TIAM1: variants seen among roughly 807,000 people sequenced by gnomAD.
The protein encoded by TIAM1 is TIAM Rac1 associated GEF 1, also known as rho guanine nucleotide exchange factor TIAM1.
A neutral mutation model predicts 163.5 loss-of-function variants in TIAM1; 65 were observed. That is an observed-to-expected ratio of 0.40 (90% CI 0.33 to 0.49). The LOEUF is 0.49. TIAM1 is among the 20% of genes least tolerant of loss of function. The pLI, the probability that TIAM1 is intolerant of heterozygous loss-of-function variation, is 0.77. For synonymous variants in TIAM1, 833 were observed against 810.1 expected (o/e 1.03, Z -0.48); for missense variants, 1,789 against 2,044.7 (o/e 0.87, Z 2.41).
At chr21:31,167,990 C>T (rs2084318893) in intron 15 of TIAM1, among the ~76,000 whole-genome samples, 1 of 151,984 alleles carries the variant, frequency 6.6e-6, no homozygotes, top group African/African-American at 2.4e-5. Context: ...GAGAAAAGTG[C>T]TCACTGGCAA....
intron 2 of TIAM1, among the ~76,000 whole-genome samples, chr21:31,296,540 A>T (rs202231062): frequency 1.3e-5 from 2 of 152,330 alleles, no homozygotes; most frequent in East Asian, 3.9e-4. Context: ...AGAGAAAAAG[A>T]TAATACTTAG....
chr21:31,190,708 T>G (rs1297210471), intron 13 of TIAM1, among the ~76,000 whole-genome samples: 1 of 152,182 alleles, frequency 6.6e-6, no homozygotes, highest in African/African-American at 2.4e-5. Context: ...ACTGGATATG[T>G]GAACTAATTT....
intron 1 of TIAM1, among the ~76,000 whole-genome samples, chr21:31,531,844 C>T (rs191341947): frequency 8.6e-5 from 13 of 151,872 alleles, no homozygotes; most frequent in African/African-American, 3.1e-4. Flanking sequence ...AGGCCAGGCA[C>T]GGTGGCTCAT....
Position 31,266,052 on chromosome 21 carries a change from G to A in TIAM1, c.921C>T (p.Ser307=), listed in dbSNP as rs1182237386. The A allele has an allele frequency of 6.2e-7, 1 of 1,614,178 alleles. No individual in the cohort carries two copies. The highest frequency in any genetic ancestry group is 8.5e-7 in the Non-Finnish European group (1 of 1,180,038). Residue 307 remains serine, a synonymous_variant, in exon 4 of 28, where the codon AGC becomes AGT. Coordinates refer to ENST00000541036, the MANE Select transcript of TIAM1 (RefSeq NM_001353694.2). ...TTCTGCCTTGCATGCTGTTGCTATGGCTAATTTGTGGGTTGGTGGCACCTT... is the reference window on the plus strand; with the variant it reads ...TTCTGCCTTGCATGCTGTTGCTATGACTAATTTGTGGGTTGGTGGCACCTT... The part of the protein sequence containing the change: ...LSEGATNPQI[S]HSNSMQGRRA...
intron 2 of TIAM1, among the ~76,000 whole-genome samples, chr21:31,458,468 G>A (rs969851699): frequency 1.3e-5 from 2 of 152,098 alleles, no homozygotes; most frequent in South Asian, 4.2e-4. Context: ...TCCTGGTTTG[G>A]TTTTGTTACC....
chr21:31,251,677 T>A, intron 5 of TIAM1, 65 bp downstream of exon 5: 1 of 1,468,150 alleles, frequency 6.8e-7, no homozygotes, highest in Non-Finnish European at 9.2e-7. Context: ...ATCCCGTGAG[T>A]ATGTGCACAA....
chr21:31,285,190 C>T (rs1472298812), intron 2 of TIAM1, among the ~76,000 whole-genome samples: 1 of 151,928 alleles, frequency 6.6e-6, no homozygotes, highest in Non-Finnish European at 1.5e-5. Flanking sequence ...CAAGCCACCC[C>T]CCCAAGCCAA....
intron 6 of TIAM1, among the ~76,000 whole-genome samples, chr21:31,237,381 T>A (rs2070948993): frequency 6.6e-6 from 1 of 152,250 alleles, no homozygotes. Flanking sequence ...CCAAGGTAGT[T>A]CTCTTGAGCC....
At chr21:31,273,455 A>G (rs1016179561) in intron 3 of TIAM1, among the ~76,000 whole-genome samples, 9 of 152,238 alleles carry the variant, frequency 5.9e-5, no homozygotes, top group African/African-American at 2.2e-4. Context: ...GACATAAACC[A>G]CAGCCCAACC....
chr21:31,244,596 G>A (rs1461227565), intron 6 of TIAM1, among the ~76,000 whole-genome samples: 3 of 152,244 alleles, frequency 2.0e-5, no homozygotes, highest in South Asian at 2.1e-4. Flanking sequence ...GTGGCAGCAG[G>A]TGCCTATAGT....
intron 6 of TIAM1, among the ~76,000 whole-genome samples, chr21:31,228,658 C>T (rs2088204865): frequency 6.6e-6 from 1 of 152,146 alleles, no homozygotes; most frequent in African/African-American, 2.4e-5. Flanking sequence ...GGGCACACAT[C>T]TTGTTGGGGA....
At chr21:31,446,791 G>A (rs1157062792) in intron 2 of TIAM1, among the ~76,000 whole-genome samples, 2 of 152,172 alleles carry the variant, frequency 1.3e-5, no homozygotes, top group African/African-American at 4.8e-5. Flanking sequence ...TCGATGTGCT[G>A]CACATCTTCA....
chr21:31,189,708 C>A (rs1474730396), intron 13 of TIAM1, among the ~76,000 whole-genome samples: 1 of 152,108 alleles, frequency 6.6e-6, no homozygotes, highest in Non-Finnish European at 1.5e-5. Context: ...CCTCCCCACA[C>A]CTTGCCTTGC....
chr21:31,237,917 C>CT (rs1320763978), intron 6 of TIAM1, among the ~76,000 whole-genome samples: 1 of 152,174 alleles, frequency 6.6e-6, no homozygotes, highest in Non-Finnish European at 1.5e-5. Flanking sequence ...TAGGTACTGT[C>CT]TCTGGCTTCA....
chr21:31,127,615 A>C (rs1305923037), intron 25 of TIAM1, among the ~76,000 whole-genome samples: 1 of 151,894 alleles, frequency 6.6e-6, no homozygotes, highest in Non-Finnish European at 1.5e-5. Context: ...ACAGGGTTTC[A>C]CCATGTTGGT....
At chr21:31,331,311 G>C (rs1280520117) in intron 2 of TIAM1, among the ~76,000 whole-genome samples, 1 of 152,158 alleles carries the variant, frequency 6.6e-6, no homozygotes, top group Non-Finnish European at 1.5e-5. Flanking sequence ...TTGCAAAACT[G>C]TAGGCATCTC....
chr21:31,347,724 A>G (rs1240817589), upstream of TIAM1, among the ~76,000 whole-genome samples: 2 of 152,206 alleles, frequency 1.3e-5, no homozygotes, highest in Non-Finnish European at 2.9e-5. Context: ...CCGCAAAAGA[A>G]AAGATGCATG....
At chr21:31,290,759 C>A (rs2073991573) in intron 2 of TIAM1, among the ~76,000 whole-genome samples, 1 of 151,888 alleles carries the variant, frequency 6.6e-6, no homozygotes, top group South Asian at 2.1e-4. Flanking sequence ...AACTAGCAAA[C>A]CCCACCTGTG....
At position 31,120,799 on chromosome 21, in the gene TIAM1, G is replaced by A. The variant is rs776284688; in HGVS notation, c.4345C>T (p.Arg1449Trp). 36 of 1,613,280 alleles carry A rather than the reference G, an allele frequency of 2.2e-5. No homozygotes were observed. The highest frequency in any genetic ancestry group is 3.3e-5 in the Admixed American group (2 of 59,968). Residue 1449 changes from arginine (R) to tryptophan (W), a missense_variant, in exon 28 of 28, where the codon CGG becomes TGG. Transcript: ENST00000541036. The surrounding 1 kb of genome is among the most constrained non-coding windows in gnomAD (Gnocchi z 4.2). ...PSKSLGRRRR[R>W]LARNRFTIDS... is the part of the protein sequence containing the mutation. Reference sequence around the variant, plus strand: ...ATGGTAAACCTGTTTCGAGCCAGCCGCCGCCTCCTCCTCCCAAGAGACTTG... The same window carrying A: ...ATGGTAAACCTGTTTCGAGCCAGCCACCGCCTCCTCCTCCCAAGAGACTTG...
Sources: allele counts gnomAD v4.1 joint callset (sites outside exome capture counted in the v4.1 genomes callset), GRCh38; gene constraint gnomAD v4.1.1; non-coding constraint Gnocchi (gnomAD v3.1); transcripts MANE v1.5; gene names NCBI Gene and HGNC (gene_info 2026-07-23, HGNC 2026-07-21).